The following LAMA2 variants were observed in gnomAD, a reference collection of about 807,000 sequenced individuals.
The protein encoded by LAMA2 is laminin subunit alpha-2.
Under a neutral mutation model 364.8 loss-of-function variants are expected in LAMA2, and 269 were observed. The observed-to-expected ratio is 0.74, with a 90% confidence interval of 0.67 to 0.82. The LOEUF (loss-of-function observed/expected upper bound fraction) is 0.82. LAMA2 is among the 40% of genes least tolerant of loss of function. LAMA2 has a pLI of 0.00. For synonymous variants in LAMA2, 1,379 were observed against 1,370.6 expected, an observed-to-expected ratio of 1.01 and a Z score of -0.14; for missense variants, 3,807 against 3,873.2, an observed-to-expected ratio of 0.98 and a Z score of 0.45.
At chr6:129,290,220 A>T (rs1339632892) in intron 19 of LAMA2, among the ~76,000 whole-genome samples, 1 of 152,172 alleles carries the variant, frequency 6.6e-6, no homozygotes, top group East Asian at 1.9e-4. Context: ...AGTCTAAATA[A>T]TTTGATATTT....
intron 1 of LAMA2, among the ~76,000 whole-genome samples, 199 bp downstream of exon 1, chr6:128,883,556 C>T (rs989284537): frequency 2.0e-5 from 3 of 151,702 alleles, no homozygotes; most frequent in Non-Finnish European, 4.4e-5. Flanking sequence ...TACCTAAGTC[C>T]TGCAAAAGGA....
chr6:129,334,135 G>T (rs777643285), intron 29 of LAMA2, among the ~76,000 whole-genome samples: 2 of 152,308 alleles, frequency 1.3e-5, no homozygotes, highest in South Asian at 4.1e-4. Context: ...CAGTAAGTGA[G>T]GAAACTGAAG....
At chr6:129,096,238 G>T (rs560033228) in intron 3 of LAMA2, among the ~76,000 whole-genome samples, 1 of 152,166 alleles carries the variant, frequency 6.6e-6, no homozygotes, top group African/African-American at 2.4e-5. Context: ...ATCTTTTATA[G>T]TGGTTGATGT....
rs573008630 is a variant in LAMA2 at position 129,471,524 on chromosome 6, A to G, written c.7301-1690A>G. Reference sequence around the variant, plus strand: ...AATCTCATTTTCAGACACCATTAAAATACCCACCAAGTCTGTAGAAAGAGA... The same window carrying G: ...AATCTCATTTTCAGACACCATTAAAGTACCCACCAAGTCTGTAGAAAGAGA... On this transcript the variant is annotated intron_variant, in intron 51 of 64. Coordinates refer to ENST00000421865, the MANE Select transcript of LAMA2 (RefSeq NM_000426.4). Among the ~76,000 whole-genome samples the G allele has an allele frequency of 3.3e-5, 5 of 152,056 alleles. No individual in the cohort carries two copies. The East Asian group carries it at 9.7e-4, about 29-fold the overall frequency.
rs1378459375 is a variant in LAMA2 at position 129,270,669 on chromosome 6, C to T, written c.2368C>T (p.Pro790Ser). The T allele has an allele frequency of 2.5e-6, 4 of 1,612,948 alleles. No homozygotes were observed. The highest frequency in any genetic ancestry group is 3.4e-6 in the Non-Finnish European group (4 of 1,179,346). ...TGGCCCATATTGTGATAAATGTCTT[C>T]CTGGTTTCTATGGCGAGCCTACTAA... ...TGGPYCDKCL[P>S]GFYGEPTKGT... Residue 790 changes from proline (P) to serine (S), a missense_variant, in exon 17 of 65, where the codon CCT becomes TCT. Physicochemically the swap from Pro to Ser is moderately conservative, Grantham distance 74. This residue lies in a region of LAMA2 where 3,333 missense variants were observed against 3,345.7 expected (regional missense o/e 1.00). Coordinates refer to ENST00000421865, the MANE Select transcript of LAMA2 (RefSeq NM_000426.4).
At chr6:129,365,506 G>A (rs1425779723) in intron 32 of LAMA2, among the ~76,000 whole-genome samples, 1 of 151,952 alleles carries the variant, frequency 6.6e-6, no homozygotes, top group Non-Finnish European at 1.5e-5. Context: ...GAGACTACAG[G>A]GGCCCGCCAC....
At chr6:129,268,941 A>G (rs899345242) in intron 16 of LAMA2, among the ~76,000 whole-genome samples, 5 of 152,032 alleles carry the variant, frequency 3.3e-5, no homozygotes, top group African/African-American at 1.2e-4. Flanking sequence ...CAAAGAGGAG[A>G]ATATTTGAAT....
chr6:129,198,147 G>T (rs931878152), intron 12 of LAMA2, among the ~76,000 whole-genome samples: 5 of 152,008 alleles, frequency 3.3e-5, no homozygotes, highest in African/African-American at 1.2e-4. Context: ...GTAATCTAGG[G>T]CTACATTGGC....
intron 1 of LAMA2, among the ~76,000 whole-genome samples, chr6:128,910,257 G>A (rs545524951): frequency 3.1e-4 from 47 of 152,310 alleles, no homozygotes; most frequent in South Asian, 4.1e-4. Context: ...CATTCTCCCC[G>A]TCACTTTCAG....
chr6:129,341,523 T>C (rs983612915), intron 29 of LAMA2, among the ~76,000 whole-genome samples: 12 of 152,276 alleles, frequency 7.9e-5, no homozygotes, highest in South Asian at 2.1e-4. Flanking sequence ...CTTGCTGCCA[T>C]GTTTATTTTT....
intron 44 of LAMA2, among the ~76,000 whole-genome samples, chr6:129,445,277 T>C (rs1782309234): frequency 6.6e-6 from 1 of 152,242 alleles, no homozygotes; most frequent in African/African-American, 2.4e-5. Flanking sequence ...AATACAGTTC[T>C]GGCTTGGACA....
intron 15 of LAMA2, among the ~76,000 whole-genome samples, chr6:129,264,001 C>G (rs1787318016): frequency 6.6e-6 from 1 of 152,206 alleles, no homozygotes; most frequent in Non-Finnish European, 1.5e-5. Flanking sequence ...ACCTCAGCCT[C>G]CCAAAGTTCT....
chr6:129,042,487 C>A (rs181350283), intron 1 of LAMA2, among the ~76,000 whole-genome samples: 2 of 152,078 alleles, frequency 1.3e-5, no homozygotes, highest in African/African-American at 4.8e-5. Context: ...GAGTTAAATA[C>A]TGCTAATTTT....
intron 40 of LAMA2, among the ~76,000 whole-genome samples, chr6:129,417,416 G>T (rs548057125): frequency 6.6e-6 from 1 of 152,248 alleles, no homozygotes; most frequent in East Asian, 1.9e-4. Context: ...GTCTGGCTGA[G>T]TCCGGGGTTT....
intron 1 of LAMA2, among the ~76,000 whole-genome samples, chr6:128,983,800 C>A (rs1783042946): frequency 6.6e-6 from 1 of 152,074 alleles, no homozygotes; most frequent in African/African-American, 2.4e-5. Context: ...AAAACTATTT[C>A]AATGGACCAG....
At chr6:129,163,941 T>A (rs2114990881) in intron 8 of LAMA2, among the ~76,000 whole-genome samples, 1 of 152,378 alleles carries the variant, frequency 6.6e-6, no homozygotes, top group South Asian at 2.1e-4. Context: ...CTTTATATTC[T>A]CGGACATATT....
chr6:129,051,194 A>T (rs9482976), intron 2 of LAMA2, among the ~76,000 whole-genome samples: 1 of 95,468 alleles, frequency 1.0e-5, no homozygotes, highest in African/African-American at 7.0e-5. Flanking sequence ...TATATATATA[A>T]TATATATATA....
chr6:129,438,653 A>T lies in LAMA2; in HGVS notation c.5976A>T (p.Glu1992Asp). The T allele has an allele frequency of 1.9e-6, 3 of 1,559,434 alleles. No individual in the cohort carries two copies. The highest frequency in any genetic ancestry group is 2.7e-6 in the Non-Finnish European group (3 of 1,130,674). The change falls in exon 42 of 65, where the codon GAA becomes GAT. Residue 1992 changes from glutamate to aspartate, a missense_variant. Glu to Asp is a conservative substitution (Grantham distance 45, BLOSUM62 2). Transcript: ENST00000421865. Reference sequence around the variant, plus strand: ...TTTGTTTTTTATTCGCAGAAAATGAAGACCATCTAAATGGCTTAAAAACCA... The same window carrying T: ...TTTGTTTTTTATTCGCAGAAAATGATGACCATCTAAATGGCTTAAAAACCA... ...KKLANDVKEN[E>D]DHLNGLKTRI...
intron 40 of LAMA2, among the ~76,000 whole-genome samples, chr6:129,417,578 G>A (rs960725674): frequency 6.6e-6 from 1 of 152,142 alleles, no homozygotes; most frequent in Admixed American, 6.5e-5. Flanking sequence ...TGAAGGTGGA[G>A]CTTCACTGAG....
Sources: allele counts gnomAD v4.1 joint callset (sites outside exome capture counted in the v4.1 genomes callset), GRCh38; gene constraint gnomAD v4.1.1; regional missense constraint gnomAD v4.1.1; transcripts MANE v1.5; gene names NCBI Gene and HGNC (gene_info 2026-07-23, HGNC 2026-07-21).